PCDH9: variants seen among roughly 807,000 people sequenced by gnomAD.
The protein encoded by PCDH9 is protocadherin 9, also known as protocadherin-9.
PCDH9 carries 24 observed loss-of-function variants against 70.6 expected under a neutral mutation model. That is an observed-to-expected ratio of 0.34 (90% CI 0.25 to 0.48). The LOEUF (loss-of-function observed/expected upper bound fraction) is 0.48, where lower values mean the gene tolerates loss of function less well. Among genes scored for constraint, PCDH9 ranks in the 20% least tolerant of loss-of-function variants. PCDH9 has a pLI of 0.99. For missense variants in PCDH9, 1,281 were observed against 1,503.6 expected (o/e 0.85, Z 2.45); for synonymous variants, 562 against 558.5 (o/e 1.01, Z -0.09).
chr13:66,660,143 G>T (rs150330902), intron 3 of PCDH9, among the ~76,000 whole-genome samples: 5 of 152,268 alleles, frequency 3.3e-5, no homozygotes, highest in Admixed American at 1.3e-4. Context: ...TATGGAAGAC[G>T]AACAGTGGAG....
rs1566509411 is a variant in PCDH9 at position 67,225,576 on chromosome 13, T to G, written c.2865A>C (p.Pro955=). ...QPAFHLKPDT[P]VSVKKHHVIQ... ...TCACGTGGTGCTTTTTCACGGAAAC[T>G]GGAGTGTCTGGTTTGAGATGAAAAG... Residue 955 remains proline, a synonymous_variant, in exon 2 of 5, where the codon CCA becomes CCC. Coordinates refer to ENST00000377865, the MANE Select transcript of PCDH9 (RefSeq NM_203487.3). 1.2e-6 allele frequency: 2 copies of G among 1,614,114 alleles called. No homozygotes were observed. The highest frequency in any genetic ancestry group is 1.1e-5 in the South Asian group (1 of 91,078).
intron 3 of PCDH9, among the ~76,000 whole-genome samples, chr13:66,805,604 A>G (rs901365807): frequency 6.6e-6 from 1 of 152,174 alleles, no homozygotes; most frequent in Non-Finnish European, 1.5e-5. Flanking sequence ...AAAGACACCC[A>G]ACCAGGTACT....
At chr13:66,389,478 G>A (rs190689647) in intron 4 of PCDH9, among the ~76,000 whole-genome samples, 2 of 152,046 alleles carry the variant, frequency 1.3e-5, no homozygotes, top group African/African-American at 2.4e-5. Flanking sequence ...TCTCAAACAC[G>A]GTTTAATTTT....
chr13:66,539,092 T>C (rs1325135467), intron 4 of PCDH9, among the ~76,000 whole-genome samples: 2 of 152,124 alleles, frequency 1.3e-5, no homozygotes, highest in African/African-American at 4.8e-5. Context: ...TATATATTTA[T>C]ATATTGCAAT....
At chr13:66,946,268 A>G (rs964959267) in intron 2 of PCDH9, among the ~76,000 whole-genome samples, 10 of 152,154 alleles carry the variant, frequency 6.6e-5, no homozygotes, top group Admixed American at 3.9e-4. Flanking sequence ...ACAAATATAT[A>G]CTCATTAAAT....
At chr13:66,479,126 C>G (rs1178332925) in intron 4 of PCDH9, among the ~76,000 whole-genome samples, 1 of 152,144 alleles carries the variant, frequency 6.6e-6, no homozygotes, top group Non-Finnish European at 1.5e-5. Context: ...AGAAATGGAA[C>G]AAGAAAGGCT....
chr13:67,170,356 T>C (rs2088245513), intron 2 of PCDH9, among the ~76,000 whole-genome samples: 1 of 152,206 alleles, frequency 6.6e-6, no homozygotes, highest in Non-Finnish European at 1.5e-5. Flanking sequence ...CACTGAGAAA[T>C]ACATTTCGCA....
At chr13:66,362,248 A>G (rs1250336368) in intron 4 of PCDH9, among the ~76,000 whole-genome samples, 1 of 152,208 alleles carries the variant, frequency 6.6e-6, no homozygotes, top group Non-Finnish European at 1.5e-5. Flanking sequence ...AACTCAGTCT[A>G]TTAGCTTAAA....
chr13:66,960,181 ATTTCAAACAGAGCT>A (rs1012750293), intron 2 of PCDH9, among the ~76,000 whole-genome samples: 1 of 152,344 alleles, frequency 6.6e-6, no homozygotes, highest in Non-Finnish European at 1.5e-5. Context: ...AATATATTTA[ATTTCAAACAGAGCT>A]TTTGATCATC....
chr13:66,462,941 C>T (rs1958451319), intron 4 of PCDH9, among the ~76,000 whole-genome samples: 1 of 151,724 alleles, frequency 6.6e-6, no homozygotes, highest in African/African-American at 2.4e-5. Context: ...GGAAAAAAAC[C>T]TAATTATTCT....
chr13:66,479,928 C>A (rs1471721815), intron 4 of PCDH9, among the ~76,000 whole-genome samples: 1 of 152,184 alleles, frequency 6.6e-6, no homozygotes, highest in Non-Finnish European at 1.5e-5. Flanking sequence ...TGGCAACCCG[C>A]TCGGGTCCCT....
chr13:66,529,919 A>AT (rs1301960345), intron 4 of PCDH9, among the ~76,000 whole-genome samples: 4 of 151,596 alleles, frequency 2.6e-5, no homozygotes, highest in African/African-American at 9.7e-5. Flanking sequence ...AAAAAAAAAT[A>AT]TTTTTTTCTA....
intron 2 of PCDH9, among the ~76,000 whole-genome samples, chr13:67,123,168 C>G (rs2086909805): frequency 6.6e-6 from 1 of 152,082 alleles, no homozygotes; most frequent in African/African-American, 2.4e-5. Context: ...CTTTTTCTAC[C>G]CATCTTTATG....
At chr13:66,624,840 G>A (rs947328685) in intron 4 of PCDH9, among the ~76,000 whole-genome samples, 2 of 152,188 alleles carry the variant, frequency 1.3e-5, no homozygotes, top group African/African-American at 2.4e-5. Flanking sequence ...CAAAACAATA[G>A]AGAAAGAAAG....
chr13:66,364,918 A>G (rs948178583), intron 4 of PCDH9, among the ~76,000 whole-genome samples: 1 of 152,148 alleles, frequency 6.6e-6, no homozygotes, highest in African/African-American at 2.4e-5. Context: ...ATGCTAACAA[A>G]TTCAAAACCT....
At chr13:66,581,636 A>G (rs1196243379) in intron 4 of PCDH9, among the ~76,000 whole-genome samples, 1 of 152,192 alleles carries the variant, frequency 6.6e-6, no homozygotes, top group Non-Finnish European at 1.5e-5. Context: ...AAGCAGAATC[A>G]TTTAATTACT....
At chr13:66,562,979 A>G (rs1271771820) in intron 4 of PCDH9, among the ~76,000 whole-genome samples, 1 of 152,100 alleles carries the variant, frequency 6.6e-6, no homozygotes, top group Non-Finnish European at 1.5e-5. Flanking sequence ...GTAATACCCC[A>G]AAGAAAATTC....
At chr13:67,033,127 A>G (rs1252413836) in intron 2 of PCDH9, among the ~76,000 whole-genome samples, 1 of 152,126 alleles carries the variant, frequency 6.6e-6, no homozygotes, top group African/African-American at 2.4e-5. Context: ...GGCCATAAAC[A>G]GTCACCCTCA....
chr13:67,011,099 A>G (rs1037306780), intron 2 of PCDH9, among the ~76,000 whole-genome samples: 3 of 151,912 alleles, frequency 2.0e-5, no homozygotes, highest in Non-Finnish European at 4.4e-5. Flanking sequence ...ATAGTGCCAC[A>G]TTTTTTCTTC....
Sources: allele counts gnomAD v4.1 joint callset (sites outside exome capture counted in the v4.1 genomes callset), GRCh38; gene constraint gnomAD v4.1.1; transcripts MANE v1.5; gene names NCBI Gene and HGNC (gene_info 2026-07-23, HGNC 2026-07-21).